THSD7B: variants seen among roughly 807,000 people sequenced by gnomAD.
THSD7B encodes thrombospondin type-1 domain-containing protein 7B.
In THSD7B, 138 loss-of-function variants were observed where a neutral mutation model predicts 213.6. The ratio of observed to expected loss-of-function variants is 0.65; its 90% CI spans 0.56 to 0.74. THSD7B has a LOEUF of 0.74. Ranked by LOEUF, THSD7B falls within the 30% of genes least tolerant of loss-of-function variation. THSD7B has a pLI of 0.00. For missense variants in THSD7B, 1,931 were observed against 1,991.5 expected (o/e 0.97, Z 0.58); for synonymous variants, 742 against 687.0 (o/e 1.08, Z -1.25).
intron 12 of THSD7B, among the ~76,000 whole-genome samples, chr2:137,372,772 G>A (rs1183842558): frequency 6.6e-6 from 1 of 151,744 alleles, no homozygotes; most frequent in African/African-American, 2.4e-5. Context: ...ATGTATACAT[G>A]TGCCATGCTG....
chr2:137,290,369 G>T (rs80264961), intron 12 of THSD7B, among the ~76,000 whole-genome samples: 1 of 152,038 alleles, frequency 6.6e-6, no homozygotes, highest in Non-Finnish European at 1.5e-5. Context: ...GATTACAGGC[G>T]TGAGCCACAG....
At chr2:136,906,793 T>C (rs896831364) in intron 2 of THSD7B, among the ~76,000 whole-genome samples, 1 of 152,038 alleles carries the variant, frequency 6.6e-6, no homozygotes, top group Non-Finnish European at 1.5e-5. Context: ...CAAGTAGTTA[T>C]GGCAATATTA....
At chr2:137,305,316 G>A (rs1683715272) in intron 12 of THSD7B, among the ~76,000 whole-genome samples, 1 of 152,086 alleles carries the variant, frequency 6.6e-6, no homozygotes, top group Non-Finnish European at 1.5e-5. Flanking sequence ...ACAGTTGCTG[G>A]AACTGGTCAA....
chr2:137,283,690 C>T lies in THSD7B; in HGVS notation c.2500+7664C>T, dbSNP rs1683094521. Among the ~76,000 whole-genome samples, 6 of 152,194 alleles carry T rather than the reference C, an allele frequency of 3.9e-5. No individual in the cohort carries two copies. The South Asian group carries it at 1.3e-3, about 32-fold the overall frequency. On this transcript the variant is annotated intron_variant, in intron 12 of 27. Transcript: ENST00000409968. Reference sequence around the variant, plus strand: ...TTTTGTCTTTGGTTCTGTTTATATGCTGGATTACATTTATTGATTTGCGTA... The same window carrying T: ...TTTTGTCTTTGGTTCTGTTTATATGTTGGATTACATTTATTGATTTGCGTA...
chr2:137,404,448 TATATATATATATATATATATATATATAC>T (rs1686449757), intron 12 of THSD7B, among the ~76,000 whole-genome samples: 2 of 98,656 alleles, frequency 2.0e-5, no homozygotes, highest in South Asian at 7.8e-4. Context: ...TATATATATA[TATATATATATATATATATATATATATAC>T]ACACACACAC....
intron 2 of THSD7B, among the ~76,000 whole-genome samples, chr2:136,911,530 G>A (rs1011375143): frequency 1.3e-5 from 2 of 152,182 alleles, no homozygotes; most frequent in African/African-American, 2.4e-5. Context: ...TTTCATTAAG[G>A]AAGGAAAGAT....
Position 137,107,516 on chromosome 2 carries a change from C to G in THSD7B, c.1200-7608C>G, listed in dbSNP as rs575650099. Among the ~76,000 whole-genome samples the G allele has an allele frequency of 6.6e-4, 101 of 152,164 alleles. 1 individual carries two copies. The highest frequency in any genetic ancestry group is 1.0e-3 in the Non-Finnish European group (68 of 68,042). ...AAACCTGCACGTTCTGCACATGTAT[C>G]CCAGAATTTGAAGTATACCACTAAT... is the stretch of plus-strand genomic sequence containing the variant. On this transcript the variant is annotated intron_variant, in intron 4 of 27. Transcript: ENST00000409968.
Position 137,642,558 on chromosome 2 carries a change from T to TA in THSD7B, c.3871dup (p.Thr1291AsnfsTer23). ...AAGGACGGCCATGCCCCACAGAGCTTACCCAGGAGAAAACCTGCCCAGTGA... is the reference window on the plus strand; with the variant it reads ...AAGGACGGCCATGCCCCACAGAGCTTAACCCAGGAGAAAACCTGCCCAGTGA... On this transcript the variant is annotated frameshift_variant, in exon 21 of 28. Coordinates refer to ENST00000409968, the MANE Select transcript of THSD7B (RefSeq NM_001316349.2). LOFTEE classifies it high-confidence loss of function. 6.2e-7 allele frequency: 1 copy of TA among 1,613,920 alleles called. No individual in the cohort carries two copies. The highest frequency in any genetic ancestry group is 8.5e-7 in the Non-Finnish European group (1 of 1,179,870).
In THSD7B at chr2:136,813,466, T is replaced by C. The variant is rs1173808488; in HGVS notation, c.-36+47779T>C. ...TGCTCTTCGAGATGACTTAAACGTA[T>C]ACACACAGAATTGACAAATGGCTCG... On this transcript the variant is annotated intron_variant, in intron 1 of 27. Transcript: ENST00000409968. Among the ~76,000 whole-genome samples, 10 of 143,628 alleles carry C rather than the reference T, an allele frequency of 7.0e-5. No individual in the cohort carries two copies. In the East Asian group the frequency reaches 1.7e-3, roughly 25 times the overall value. 94.2% of individuals were successfully genotyped at this position (143,628 alleles called of 152,430 possible).
chr2:137,438,488 C>A (rs892225645), intron 14 of THSD7B, among the ~76,000 whole-genome samples: 2 of 152,122 alleles, frequency 1.3e-5, no homozygotes, highest in South Asian at 2.1e-4. Context: ...TCACTAGTCA[C>A]CTCTGCTTGT....
At chr2:137,532,734 T>C (rs1474960948) in intron 15 of THSD7B, among the ~76,000 whole-genome samples, 1 of 151,774 alleles carries the variant, frequency 6.6e-6, no homozygotes, top group Non-Finnish European at 1.5e-5. Flanking sequence ...TGCAGGGCTT[T>C]ATGATCCCAC....
intron 14 of THSD7B, among the ~76,000 whole-genome samples, chr2:137,424,621 G>A (rs541155667): frequency 1.3e-5 from 2 of 152,016 alleles, no homozygotes; most frequent in African/African-American, 4.8e-5. Flanking sequence ...CAGAATGAAG[G>A]ACCCAAATCA....
At chr2:136,951,891 A>G (rs1209928351) in intron 2 of THSD7B, among the ~76,000 whole-genome samples, 2 of 152,088 alleles carry the variant, frequency 1.3e-5, no homozygotes, top group Non-Finnish European at 2.9e-5. Context: ...TTTTTTTGAG[A>G]TGGAGTCTAG....
intron 1 of THSD7B, among the ~76,000 whole-genome samples, chr2:136,787,139 GA>G (rs747501131): frequency 3.1e-4 from 47 of 152,026 alleles, no homozygotes; most frequent in Non-Finnish European, 5.1e-4. Flanking sequence ...TCAAAATTTA[GA>G]AAATGATGGA....
At chr2:137,629,401 C>A (rs1682697418) in intron 20 of THSD7B, among the ~76,000 whole-genome samples, 1 of 152,078 alleles carries the variant, frequency 6.6e-6, no homozygotes, top group South Asian at 2.1e-4. Flanking sequence ...AATAAGACCC[C>A]AAATCATAAG....
intron 4 of THSD7B, among the ~76,000 whole-genome samples, chr2:137,102,071 C>T (rs1232040574): frequency 6.6e-6 from 1 of 152,334 alleles, no homozygotes; most frequent in South Asian, 2.1e-4. Flanking sequence ...CAAGTGGGTC[C>T]CTGACCCCCA....
At chr2:137,050,765 T>C (rs991650606) in intron 2 of THSD7B, among the ~76,000 whole-genome samples, 11 of 152,228 alleles carry the variant, frequency 7.2e-5, no homozygotes, top group African/African-American at 2.7e-4. Context: ...ATGATTTTTA[T>C]ATAACTGAAA....
intron 1 of THSD7B, among the ~76,000 whole-genome samples, chr2:136,855,762 A>G (rs1323188896): frequency 6.6e-6 from 1 of 151,984 alleles, no homozygotes; most frequent in East Asian, 1.9e-4. Context: ...GTGAGCCATC[A>G]CGCCCGGGCT....
At position 136,852,109 on chromosome 2, in the gene THSD7B, G is replaced by A. The variant is rs1375808148; in HGVS notation, c.-35-30035G>A. ...TTAAATGGGCCCAATCTAATCAGAT[G>A]AGCCCTTAAAGGCAGAGAACTTTCT... is the stretch of plus-strand genomic sequence containing the variant. On this transcript the variant is annotated intron_variant, in intron 1 of 27. Coordinates refer to ENST00000409968, the MANE Select transcript of THSD7B (RefSeq NM_001316349.2). Among the ~76,000 whole-genome samples the A allele has an allele frequency of 2.6e-5, 4 of 152,020 alleles. 1 individual carries two copies. The South Asian group carries it at 8.3e-4, about 32-fold the overall frequency.
Sources: gnomAD v4.1 joint callset for allele counts (sites outside exome capture counted in the v4.1 genomes callset) on GRCh38, gnomAD v4.1.1 for gene constraint, MANE v1.5 for transcripts, NCBI Gene and HGNC (gene_info 2026-07-23, HGNC 2026-07-21) for gene names.